The following TMEM177 variants were observed in gnomAD, a reference collection of about 807,000 sequenced individuals.
TMEM177 encodes the protein transmembrane protein 177.
Under a neutral mutation model 14.2 loss-of-function variants are expected in TMEM177, and 4 were observed. The observed-to-expected ratio is 0.28, with a 90% CI of 0.14 to 0.64. TMEM177 has a LOEUF of 0.64. TMEM177 is among the 30% of genes least tolerant of loss of function. The pLI is 0.82. For missense variants in TMEM177, 344 were observed against 405.2 expected (o/e 0.85, Z 1.30); for synonymous variants, 179 against 174.5 (o/e 1.03, Z -0.20).
downstream of TMEM177, among the ~76,000 whole-genome samples, chr2:119,687,865 T>C (rs994729356): frequency 1.6e-4 from 25 of 152,204 alleles, no homozygotes; most frequent in Admixed American, 1.5e-3. Flanking sequence ...AGATAACTCA[T>C]ACTCTTTATT....
At chr2:119,693,267 G>A in the TMEM177 span, among the ~76,000 whole-genome samples, 4 of 152,308 alleles carry the variant, frequency 2.6e-5, no homozygotes, top group Admixed American at 6.5e-5. Context: ...GCCCCACCCT[G>A]TAGTAGGGTG....
chr2:119,723,038 A>G, the TMEM177 span, among the ~76,000 whole-genome samples: 5 of 152,132 alleles, frequency 3.3e-5, no homozygotes, highest in African/African-American at 4.8e-5. Flanking sequence ...CTCTACTCCT[A>G]GTTTTCTCAG....
At chr2:119,687,210 T>TA (rs1689029341), downstream of TMEM177, among the ~76,000 whole-genome samples, 1 of 152,154 alleles carries the variant, frequency 6.6e-6, no homozygotes, top group African/African-American at 2.4e-5. Flanking sequence ...GGCGAGGAAC[T>TA]AAAGGCAGCC....
At position 119,681,483 on chromosome 2, in the gene TMEM177, G is replaced by A. The variant is rs3820769; in HGVS notation, c.630G>A (p.Val210=). 667 of 1,613,516 alleles carry A rather than the reference G, an allele frequency of 4.1e-4. 11 individuals are homozygous for A. The East Asian group carries it at 0.012, about 30-fold the overall frequency. ...LRAAFSLVAA[V]AGFVAYAFSQ... ...CTGCCTTCAGCTTGGTGGCAGCAGTGGCAGGCTTTGTGGCCTACGCCTTCT... is the reference window on the plus strand; with the variant it reads ...CTGCCTTCAGCTTGGTGGCAGCAGTAGCAGGCTTTGTGGCCTACGCCTTCT... Residue 210 remains valine (V), a synonymous_variant, in exon 2 of 2, where the codon GTG becomes GTA. Coordinates refer to ENST00000272521, the MANE Select transcript of TMEM177 (RefSeq NM_030577.3).
At chr2:119,713,035 C>T in the TMEM177 span, among the ~76,000 whole-genome samples, 2 of 151,516 alleles carry the variant, frequency 1.3e-5, no homozygotes, top group East Asian at 3.9e-4. Context: ...GAAGATTTGC[C>T]TAGAAATATT....
chr2:119,699,984 C>A, the TMEM177 span: 1 of 361,618 alleles, frequency 2.8e-6, no homozygotes, highest in South Asian at 2.4e-5. Flanking sequence ...AAATGCCCCT[C>A]CAGACTTAGA....
chr2:119,712,138 A>G, the TMEM177 span, among the ~76,000 whole-genome samples: 1 of 151,804 alleles, frequency 6.6e-6, no homozygotes, highest in Non-Finnish European at 1.5e-5. Flanking sequence ...GCGGCTTCCT[A>G]GATATGTGGT....
rs746730147 is a variant in TMEM177, at chr2:119,681,550, C to G, written c.697C>G (p.Arg233Gly). 1.2e-6 allele frequency: 2 copies of G among 1,614,180 alleles called. No homozygotes were observed. Among genetic ancestry groups the G allele is most frequent in the East Asian group, 4.5e-5 (2 of 44,882 alleles). ...LTHAVESWLD[R>G]RTASLSAAYA... ...TCATGCCGTGGAGTCCTGGCTGGAC[C>G]GCCGCACGGCCTCCCTCTCTGCAGC... is the stretch of plus-strand genomic sequence containing the variant. The change falls in exon 2 of 2, where the codon CGC (arginine) becomes GGC (glycine). Residue 233 changes from arginine (R) to glycine (G), a missense_variant. Physicochemically the swap from Arg to Gly is moderately radical, Grantham distance 125. Transcript: ENST00000272521.
chr2:119,703,652 G>C, the TMEM177 span, among the ~76,000 whole-genome samples: 4,250 of 152,228 alleles, frequency 0.028, 101 homozygotes, highest in African/African-American at 0.071. Flanking sequence ...CACCCCAGGA[G>C]GTTGGTCCCA....
chr2:119,703,757 G>T, the TMEM177 span, among the ~76,000 whole-genome samples: 1 of 152,128 alleles, frequency 6.6e-6, no homozygotes, highest in Admixed American at 6.5e-5. Context: ...GGGAGGAGAG[G>T]CTGGGATCTG....
At chr2:119,708,469 G>T in the TMEM177 span, among the ~76,000 whole-genome samples, 2 of 152,064 alleles carry the variant, frequency 1.3e-5, no homozygotes, top group African/African-American at 2.4e-5. Context: ...CTTCCTTATG[G>T]CCATCAAATA....
chr2:119,687,003 T>G (rs114687941), downstream of TMEM177, among the ~76,000 whole-genome samples: 2,135 of 152,298 alleles, frequency 0.014, 22 homozygotes, highest in Non-Finnish European at 0.021. Context: ...GTCCTAATAT[T>G]TTTGGCCCTG....
At chr2:119,682,617 G>A (rs1179140297), downstream of TMEM177, among the ~76,000 whole-genome samples, 1 of 152,138 alleles carries the variant, frequency 6.6e-6, no homozygotes, top group Non-Finnish European at 1.5e-5. Flanking sequence ...GAGGGGAGGT[G>A]TTCCAGAACT....
chr2:119,718,787 C>A, the TMEM177 span, among the ~76,000 whole-genome samples: 42 of 151,650 alleles, frequency 2.8e-4, no homozygotes, highest in Admixed American at 5.9e-4. Context: ...ACTTCATAAA[C>A]CCTGTAACAG....
chr2:119,711,792 G>A, the TMEM177 span, among the ~76,000 whole-genome samples: 1 of 152,280 alleles, frequency 6.6e-6, no homozygotes, highest in Non-Finnish European at 1.5e-5. Context: ...TGGAACAAAG[G>A]AGTCCAGGCC....
At chr2:119,694,095 GCA>G in the TMEM177 span, among the ~76,000 whole-genome samples, 3 of 73,024 alleles carry the variant, frequency 4.1e-5, no homozygotes, top group East Asian at 5.1e-4. Context: ...CACACACATG[GCA>G]CACACAAACA....
At chr2:119,705,990 A>ATATATATTATATATTATATTT in the TMEM177 span, among the ~76,000 whole-genome samples, 2 of 14,612 alleles carry the variant, frequency 1.4e-4, no homozygotes, top group African/African-American at 2.5e-4. Context: ...CTCTCTATAT[A>ATATATATTATATATTATATTT]TATATATTAT....
chr2:119,718,556 G>T, the TMEM177 span, among the ~76,000 whole-genome samples: 2 of 152,196 alleles, frequency 1.3e-5, no homozygotes, highest in African/African-American at 2.4e-5. Context: ...TCAAAGGAAT[G>T]AGGCTCATAT....
At chr2:119,690,442 G>A (rs893925693), downstream of TMEM177, among the ~76,000 whole-genome samples, 7 of 152,104 alleles carry the variant, frequency 4.6e-5, no homozygotes, top group Admixed American at 3.9e-4. Flanking sequence ...ATAACAATGC[G>A]AGAATGAACT....
Sources: allele counts gnomAD v4.1 joint callset (sites outside exome capture counted in the v4.1 genomes callset), GRCh38; gene constraint gnomAD v4.1.1; transcripts MANE v1.5; gene names NCBI Gene and HGNC (gene_info 2026-07-23, HGNC 2026-07-21).